The following GRM5 variants were observed in gnomAD, a reference collection of about 807,000 sequenced individuals.
GRM5 encodes the protein glutamate metabotropic receptor 5.
Under a neutral mutation model 83.1 loss-of-function variants are expected in GRM5, and 19 were observed. That is an observed-to-expected ratio of 0.23 (90% CI 0.16 to 0.34). The LOEUF is 0.34. Ranked by LOEUF, GRM5 falls within the 10% of genes least tolerant of loss-of-function variation. The probability of loss-of-function intolerance (pLI) is 1.00; values close to 1 mark genes in which losing one functional copy is unlikely to be tolerated. For synonymous variants in GRM5, 675 were observed against 633.6 expected, an observed-to-expected ratio of 1.07 and a Z score of -0.98; for missense variants, 1,160 against 1,588.3, an observed-to-expected ratio of 0.73 and a Z score of 4.58.
At chr11:88,589,345 A>T (rs540913770) in intron 7 of GRM5, among the ~76,000 whole-genome samples, 6 of 152,166 alleles carry the variant, frequency 3.9e-5, no homozygotes, top group Non-Finnish European at 7.4e-5. Flanking sequence ...CAGAAAGCTC[A>T]CAGTCTAATG....
At chr11:88,559,811 G>A (rs1395194692) in intron 8 of GRM5, among the ~76,000 whole-genome samples, 1 of 152,190 alleles carries the variant, frequency 6.6e-6, no homozygotes, top group Non-Finnish European at 1.5e-5. Flanking sequence ...CGAGTCTAGA[G>A]ATGATGGTGC....
intron 2 of GRM5, among the ~76,000 whole-genome samples, chr11:89,009,266 T>C (rs1465783706): frequency 4.6e-5 from 7 of 152,244 alleles, no homozygotes; most frequent in Non-Finnish European, 1.0e-4. Flanking sequence ...ACACAGAGTT[T>C]ATTCATACCT....
chr11:88,882,248 G>GTAAA (rs141706389), intron 2 of GRM5, among the ~76,000 whole-genome samples: 1,861 of 143,972 alleles, frequency 0.013, 48 homozygotes, highest in African/African-American at 0.041. Flanking sequence ...AAATAAGTAA[G>GTAAA]TAAATAAATA....
intron 3 of GRM5, among the ~76,000 whole-genome samples, chr11:88,734,360 C>A (rs1189967451): frequency 1.3e-5 from 2 of 151,874 alleles, no homozygotes; most frequent in Non-Finnish European, 2.9e-5. Flanking sequence ...AGAAATTAGA[C>A]CCCTTGTACA....
chr11:88,562,238 C>T (rs755301536), intron 8 of GRM5, among the ~76,000 whole-genome samples: 25 of 152,092 alleles, frequency 1.6e-4, no homozygotes, highest in Non-Finnish European at 3.1e-4. Context: ...AGTTTTTTCA[C>T]CTTTTTGACC....
intron 4 of GRM5, among the ~76,000 whole-genome samples, chr11:88,648,653 TAAAAA>T (rs66739287): frequency 0.12 from 18,077 of 148,498 alleles, 1,430 homozygotes; most frequent in Non-Finnish European, 0.18. Context: ...TAAAGTATAA[TAAAAA>T]AAAAAAAAGA....
intron 2 of GRM5, among the ~76,000 whole-genome samples, chr11:89,037,793 A>T (rs1007776204): frequency 6.6e-6 from 1 of 152,174 alleles, no homozygotes; most frequent in African/African-American, 2.4e-5. Context: ...TAATAAATTC[A>T]TGTGTATCGG....
intron 2 of GRM5, among the ~76,000 whole-genome samples, chr11:88,976,732 T>C (rs914659721): frequency 6.6e-6 from 1 of 152,140 alleles, no homozygotes; most frequent in Non-Finnish European, 1.5e-5. Context: ...TAAGTTTTTA[T>C]ATTGTGGTAG....
chr11:88,786,677 G>T (rs1943074250), intron 3 of GRM5, among the ~76,000 whole-genome samples: 1 of 152,056 alleles, frequency 6.6e-6, no homozygotes, highest in Non-Finnish European at 1.5e-5. Flanking sequence ...TCTCATTAAG[G>T]ACATTCCTGA....
chr11:88,558,820 A>AAG (rs1942688574), intron 8 of GRM5, among the ~76,000 whole-genome samples: 1 of 150,792 alleles, frequency 6.6e-6, no homozygotes, highest in African/African-American at 2.4e-5. Flanking sequence ...AAAAAAAAAA[A>AAG]AAAAATACAA....
At chr11:88,771,496 T>G (rs1361132312) in intron 3 of GRM5, among the ~76,000 whole-genome samples, 1 of 152,056 alleles carries the variant, frequency 6.6e-6, no homozygotes, top group Admixed American at 6.6e-5. Context: ...GAGGAACAGA[T>G]GGGAGCATGT....
At chr11:89,059,792 T>C (rs1463367092) in intron 1 of GRM5, among the ~76,000 whole-genome samples, 1 of 151,890 alleles carries the variant, frequency 6.6e-6, no homozygotes, top group African/African-American at 2.4e-5. Flanking sequence ...TTATGTCTTC[T>C]AAAAAAAATG....
intron 2 of GRM5, among the ~76,000 whole-genome samples, chr11:88,945,701 T>C (rs932315658): frequency 1.3e-5 from 2 of 152,128 alleles, no homozygotes; most frequent in African/African-American, 4.8e-5. Flanking sequence ...AGAATGAAAC[T>C]GGACTCCTAC....
chr11:88,529,935 T>C (rs1424351972), intron 8 of GRM5, among the ~76,000 whole-genome samples: 1 of 152,020 alleles, frequency 6.6e-6, no homozygotes, highest in Non-Finnish European at 1.5e-5. Context: ...AAGCTTCATT[T>C]TGGAATATTT....
chr11:88,657,784 C>T (rs1042210988), intron 3 of GRM5, among the ~76,000 whole-genome samples: 2 of 152,090 alleles, frequency 1.3e-5, no homozygotes, highest in Admixed American at 1.3e-4. Flanking sequence ...TTTTCTTCAA[C>T]ATTTATTAAA....
intron 3 of GRM5, among the ~76,000 whole-genome samples, chr11:88,765,909 C>A (rs992594073): frequency 4.0e-5 from 6 of 151,624 alleles, no homozygotes; most frequent in African/African-American, 1.5e-4. Context: ...AAAGGAAACA[C>A]ACAGAATGGG....
At chr11:88,625,142 A>G (rs1466816690) in intron 4 of GRM5, among the ~76,000 whole-genome samples, 1 of 152,158 alleles carries the variant, frequency 6.6e-6, no homozygotes, top group African/African-American at 2.4e-5. Flanking sequence ...ACATCTTACA[A>G]TAGTAAGATT....
intron 2 of GRM5, among the ~76,000 whole-genome samples, chr11:88,850,825 CTT>C (rs1301672370): frequency 7.3e-5 from 11 of 151,564 alleles, no homozygotes; most frequent in African/African-American, 2.7e-4. Context: ...AGTTCAAAGT[CTT>C]TTGCAAAATT....
chr11:88,710,768 A>G (rs1230004459), intron 3 of GRM5, among the ~76,000 whole-genome samples: 1 of 151,990 alleles, frequency 6.6e-6, no homozygotes, highest in Non-Finnish European at 1.5e-5. Flanking sequence ...GAGATTGAGA[A>G]GGTGCATTGC....
Sources: gnomAD v4.1 joint callset for allele counts (sites outside exome capture counted in the v4.1 genomes callset) on GRCh38, gnomAD v4.1.1 for gene constraint, MANE v1.5 for transcripts, NCBI Gene and HGNC (gene_info 2026-07-23, HGNC 2026-07-21) for gene names.